Variants in ANKRD29 observed in about 807,000 individuals in gnomAD.
ANKRD29 encodes ankyrin repeat domain 29.
A neutral mutation model predicts 38.0 loss-of-function variants in ANKRD29; 32 were observed. That is an observed-to-expected ratio of 0.84 (90% confidence interval 0.64 to 1.13). ANKRD29 has a LOEUF of 1.13. Among genes scored for constraint, ANKRD29 ranks in the 50% most tolerant of loss-of-function variants. The probability of loss-of-function intolerance (pLI) is 0.00; values close to 1 mark genes in which losing one functional copy is unlikely to be tolerated. For synonymous variants in ANKRD29, 135 were observed against 152.4 expected (o/e 0.89, Z 0.84); for missense variants, 357 against 377.9 (o/e 0.94, Z 0.46).
intron 6 of ANKRD29, among the ~76,000 whole-genome samples, chr18:23,627,002 G>T (rs2145678082): frequency 6.6e-6 from 1 of 152,340 alleles, no homozygotes; most frequent in East Asian, 1.9e-4. Flanking sequence ...TGAGATTTCA[G>T]AATAAAACAT....
chr18:23,637,309 T>G (rs2060014980), intron 4 of ANKRD29, among the ~76,000 whole-genome samples: 1 of 152,272 alleles, frequency 6.6e-6, no homozygotes. Flanking sequence ...CTCAGTAAGT[T>G]TGAAGGCATA....
At chr18:23,654,744 T>C (rs546451851) in intron 1 of ANKRD29, among the ~76,000 whole-genome samples, 69 of 152,000 alleles carry the variant, frequency 4.5e-4, no homozygotes, top group African/African-American at 1.6e-3. Context: ...CTTCTCTCCC[T>C]ACTTGCCCCC....
chr18:23,616,680 T>C (rs193059399), intron 8 of ANKRD29, among the ~76,000 whole-genome samples: 123 of 144,860 alleles, frequency 8.5e-4, no homozygotes, highest in African/African-American at 2.9e-3. Context: ...AATAAATATA[T>C]CTTTACTGTA....
intron 8 of ANKRD29, among the ~76,000 whole-genome samples, chr18:23,615,898 TTATATAGTATATAC>T (rs2059704610): frequency 1.4e-5 from 2 of 147,138 alleles, no homozygotes; most frequent in East Asian, 3.9e-4. Flanking sequence ...TATATTTATA[TTATATAGTATATAC>T]TATATAGTAT....
At chr18:23,662,521 C>T (rs908493935) in intron 1 of ANKRD29, among the ~76,000 whole-genome samples, 189 bp downstream of exon 1, 2 of 152,074 alleles carry the variant, frequency 1.3e-5, no homozygotes, top group Admixed American at 1.3e-4. Context: ...AAACCGCAAA[C>T]CCACAGGGCG....
intron 3 of ANKRD29, among the ~76,000 whole-genome samples, chr18:23,641,546 G>C (rs2060076958): frequency 6.6e-6 from 1 of 152,260 alleles, no homozygotes; most frequent in Non-Finnish European, 1.5e-5. Flanking sequence ...GACTTTGGGT[G>C]CTGACAAGCA....
intron 8 of ANKRD29, among the ~76,000 whole-genome samples, chr18:23,616,567 CTATATATACAG>C (rs1175786654): frequency 9.8e-5 from 11 of 111,752 alleles, no homozygotes. Context: ...TATATATACA[CTATATATACAG>C]TATATATATA....
intron 9 of ANKRD29, among the ~76,000 whole-genome samples, chr18:23,606,468 T>G (rs1018813261): frequency 6.6e-6 from 1 of 152,196 alleles, no homozygotes; most frequent in Non-Finnish European, 1.5e-5. Flanking sequence ...TTTTTAAAAT[T>G]GTAAATAGAT....
chr18:23,641,004 G>A (rs2060066963), intron 3 of ANKRD29, among the ~76,000 whole-genome samples: 1 of 152,070 alleles, frequency 6.6e-6, no homozygotes, highest in Non-Finnish European at 1.5e-5. Context: ...GATGGGAGTG[G>A]GGACAATAAG....
intron 3 of ANKRD29, among the ~76,000 whole-genome samples, chr18:23,643,342 C>T (rs566670557): frequency 8.5e-5 from 13 of 152,206 alleles, no homozygotes; most frequent in Admixed American, 2.6e-4. Context: ...TGCTGGGTTC[C>T]GGAAACCTTA....
chr18:23,629,798 G>A lies in ANKRD29; in HGVS notation c.528+55C>T, dbSNP rs1711465. ...GGTATGTGCTGCCAGCGGACACCCA[G>A]CCCTCCCTGCCCCATGCGCCATGTG... is the stretch of plus-strand genomic sequence containing the variant. On this transcript the variant is annotated intron_variant, in intron 6 of 9. Coordinates refer to ENST00000592179, the MANE Select transcript of ANKRD29 (RefSeq NM_173505.4). 7.7e-4 allele frequency: 1,125 copies of A among 1,470,194 alleles called. 9 individuals are homozygous for A. In the African/African-American group the frequency reaches 0.012, roughly 16 times the overall value. 91.1% of individuals were successfully genotyped at this position (1,470,194 alleles called of 1,614,324 possible).
At chr18:23,605,146 C>T (rs903321448) in intron 9 of ANKRD29, among the ~76,000 whole-genome samples, 1 of 152,010 alleles carries the variant, frequency 6.6e-6, no homozygotes, top group African/African-American at 2.4e-5. Context: ...CTTTTGAACT[C>T]CTGACCTCAG....
At chr18:23,612,660 G>A (rs962117555) in intron 8 of ANKRD29, among the ~76,000 whole-genome samples, 2 of 152,194 alleles carry the variant, frequency 1.3e-5, no homozygotes, top group African/African-American at 4.8e-5. Context: ...GCACTCAGGT[G>A]GGCAGGACTG....
chr18:23,624,490 A>AAAAAAAAAAAG, intron 6 of ANKRD29, among the ~76,000 whole-genome samples: 1 of 145,358 alleles, frequency 6.9e-6, no homozygotes, highest in Non-Finnish European at 1.5e-5. Context: ...AAAAAAAAAA[A>AAAAAAAAAAAG]AAAAAAAAAA....
intron 7 of ANKRD29, among the ~76,000 whole-genome samples, chr18:23,619,206 A>C (rs1436643743): frequency 6.6e-6 from 1 of 152,164 alleles, no homozygotes; most frequent in East Asian, 1.9e-4. Context: ...AGCACCAGCC[A>C]GGGGATCCCC....
chr18:23,625,458 C>G (rs1300087731), intron 6 of ANKRD29, among the ~76,000 whole-genome samples: 1 of 151,442 alleles, frequency 6.6e-6, no homozygotes, highest in African/African-American at 2.4e-5. Context: ...AGTAAGCAGA[C>G]AAAACTGGTA....
intron 1 of ANKRD29, among the ~76,000 whole-genome samples, chr18:23,661,220 G>A: frequency 6.6e-6 from 1 of 152,134 alleles, no homozygotes; most frequent in East Asian, 1.9e-4. Context: ...TCCCATGGGT[G>A]CCTACTTAAC....
At chr18:23,621,494 A>C (rs1203653656) in intron 6 of ANKRD29, among the ~76,000 whole-genome samples, 9 of 151,942 alleles carry the variant, frequency 5.9e-5, no homozygotes, top group African/African-American at 2.2e-4. Flanking sequence ...GGATAGAGGG[A>C]AGTGGAAGAC....
Position 23,646,220 on chromosome 18 carries a change from A to C in ANKRD29, c.200T>G (p.Leu67Arg). The stretch of plus-strand genomic sequence containing the variant: ...CTGGAGATTGATGTCTGCTCCTTGC[A>C]GAACCAGTTCCCTCACACAGTCTAT... ...GHIDCVRELV[L>R]QGADINLQRE... The change falls in exon 3 of 10, where the codon CTG becomes CGG. Residue 67 changes from leucine to arginine, a missense_variant. Coordinates refer to ENST00000592179, the MANE Select transcript of ANKRD29 (RefSeq NM_173505.4). 1 of 1,614,180 alleles carries C rather than the reference A, an allele frequency of 6.2e-7. No homozygotes were observed. Among genetic ancestry groups the C allele is most frequent in the Non-Finnish European group, 8.5e-7 (1 of 1,180,018 alleles).
Sources: allele counts gnomAD v4.1 joint callset (sites outside exome capture counted in the v4.1 genomes callset), GRCh38; gene constraint gnomAD v4.1.1; transcripts MANE v1.5; gene names NCBI Gene and HGNC (gene_info 2026-07-23, HGNC 2026-07-21).